G3BP1: variants seen among roughly 807,000 people sequenced by gnomAD.
G3BP1 encodes ras GTPase-activating protein-binding protein 1.
In G3BP1, 35 loss-of-function variants were observed where a neutral mutation model predicts 58.6. The ratio of observed to expected loss-of-function variants is 0.60; its 90% CI spans 0.46 to 0.79. The LOEUF (loss-of-function observed/expected upper bound fraction) is 0.79, where lower values mean the gene tolerates loss of function less well. Ranked by LOEUF, G3BP1 falls within the 30% of genes least tolerant of loss-of-function variation. The probability of loss-of-function intolerance (pLI) is 0.00; values close to 1 mark genes in which losing one functional copy is unlikely to be tolerated. For synonymous variants in G3BP1, 191 were observed against 195.4 expected (o/e 0.98, Z 0.19); for missense variants, 523 against 580.8 (o/e 0.90, Z 1.02).
At chr5:151,772,567 G>A (rs1762289745) in intron 1 of G3BP1, 1 of 152,390 alleles carries the variant, frequency 6.6e-6, no homozygotes, top group African/African-American at 2.4e-5. Context: ...TGCACGGAGT[G>A]GTAGTAACAA....
Position 151,790,312 on chromosome 5 carries a change from C to T in G3BP1, c.96-11C>T. 2 of 1,435,288 alleles carry T rather than the reference C, an allele frequency of 1.4e-6. No individual in the cohort carries two copies. Among genetic ancestry groups the T allele is most frequent in the East Asian group, 2.4e-5 (1 of 41,654 alleles). 88.9% of individuals were successfully genotyped at this position (1,435,288 alleles called of 1,614,324 possible). The stretch of plus-strand genomic sequence containing the variant: ...TGAAGATGACAAGTAAATCATCTTC[C>T]CATTTTACAGATTTTATGGAAAGAA... On this transcript the variant is annotated splice_polypyrimidine_tract_variant and intron_variant, in intron 2 of 11. Transcript: ENST00000356245.
At chr5:151,800,044 G>A (rs747357261) in intron 9 of G3BP1, 44 bp downstream of exon 9, 1 of 1,348,528 alleles carries the variant, frequency 7.4e-7, no homozygotes, top group South Asian at 1.2e-5. Context: ...GGATTTTGAG[G>A]TGAGAGCTTA....
Position 151,783,908 on chromosome 5 carries a change from G to A in G3BP1, c.-49-2664G>A, listed in dbSNP as rs961984814. Reference sequence around the variant, plus strand: ...CTCCTGAATAGCTGGGATTACAGGCGCGTGCCACCACGGCCAGCTAATTTT... The same window carrying A: ...CTCCTGAATAGCTGGGATTACAGGCACGTGCCACCACGGCCAGCTAATTTT... On this transcript the variant is annotated intron_variant, in intron 1 of 11. Coordinates refer to ENST00000356245, the MANE Select transcript of G3BP1 (RefSeq NM_005754.3). Among the ~76,000 whole-genome samples the A allele has an allele frequency of 4.0e-5, 6 of 151,896 alleles. No homozygotes were observed. In the East Asian group the frequency reaches 9.7e-4, roughly 25 times the overall value.
Position 151,798,602 on chromosome 5 carries a change from C to T in G3BP1, c.742-610C>T, listed in dbSNP as rs558994905. Among the ~76,000 whole-genome samples the T allele has an allele frequency of 3.0e-4, 45 of 152,274 alleles. No individual in the cohort carries two copies. The South Asian group carries it at 7.1e-3, about 24-fold the overall frequency. ...TTGTACAATGGATTGGATGGAATCA[C>T]AGTAGGAAGAGCTGAGCTGATTTTG... On this transcript the variant is annotated intron_variant, in intron 7 of 11. Coordinates refer to ENST00000356245, the MANE Select transcript of G3BP1 (RefSeq NM_005754.3).
rs1395703317 is a variant in G3BP1 at position 151,804,111 on chromosome 5, C to G, written c.*20C>G. 3 of 1,535,530 alleles carry G rather than the reference C, an allele frequency of 2.0e-6. No homozygotes were observed. The highest frequency in any genetic ancestry group is 2.7e-5 in the African/African-American group (2 of 72,966). On this transcript the variant is annotated 3_prime_UTR_variant, in exon 12 of 12. Transcript: ENST00000356245. Reference sequence around the variant, plus strand: ...CAGTGAATCTTCATGGATCTTCATGCAGCCATACAAACCCTGGTTCCAACA... The same window carrying G: ...CAGTGAATCTTCATGGATCTTCATGGAGCCATACAAACCCTGGTTCCAACA...
chr5:151,790,943 C>A lies in G3BP1; in HGVS notation c.232C>A (p.Arg78Ser). The change falls in exon 4 of 12, where the codon CGC becomes AGC. Residue 78 changes from arginine (R) to serine (S), a missense_variant. By Grantham distance (110) the Arg-to-Ser change is moderately radical (BLOSUM62 -1). Around this residue, in one of 2 missense-constraint regions of G3BP1, gnomAD observed 398 missense variants for 399.1 expected, o/e 1.00. Transcript: ENST00000356245. ...QNFTNCHTKI[R>S]HVDAHATLND... Reference sequence around the variant, plus strand: ...CTTCACCAACTGCCACACCAAGATTCGCCATGTTGATGCTCATGCCACGCT... The same window carrying A: ...CTTCACCAACTGCCACACCAAGATTAGCCATGTTGATGCTCATGCCACGCT... 1.2e-6 allele frequency: 2 copies of A among 1,610,362 alleles called. No individual in the cohort carries two copies. Among genetic ancestry groups the A allele is most frequent in the Non-Finnish European group, 1.7e-6 (2 of 1,177,886 alleles).
In G3BP1 at chr5:151,786,645, C is replaced by T. The variant is rs1561532855; in HGVS notation, c.25C>T (p.Leu9=). Residue 9 remains leucine (L), a synonymous_variant, in exon 2 of 12, where the codon CTG becomes TTG. Coordinates refer to ENST00000356245, the MANE Select transcript of G3BP1 (RefSeq NM_005754.3). MVMEKPSP[L]LVGREFVRQY... is the part of the protein sequence containing the mutation. ...AATGGTGATGGAGAAGCCTAGTCCC[C>T]TGCTGGTCGGGCGGGAATTTGTGAG... is the stretch of plus-strand genomic sequence containing the variant. 1.2e-6 allele frequency: 2 copies of T among 1,613,312 alleles called. No homozygotes were observed. The highest frequency in any genetic ancestry group is 2.2e-5 in the East Asian group (1 of 44,866).
chr5:151,809,647 C>T lies in G3BP1; in HGVS notation c.*5556C>T, dbSNP rs1762987569. ...TAGGAAGTGACTTGTACAACCCCTT[C>T]ATTTTACAAAGGATCAGAGAGAATT... is the stretch of plus-strand genomic sequence containing the variant. On this transcript the variant is annotated 3_prime_UTR_variant, in exon 12 of 12. Transcript: ENST00000356245. 6.6e-6 allele frequency: 1 copy of T among 152,168 alleles called. No homozygotes were observed. Among genetic ancestry groups the T allele is most frequent in the South Asian group, 2.1e-4 (1 of 4,824 alleles). The allele number at this position is 152,168 out of a possible 1,614,324, so 9.4% of individuals were successfully genotyped here.
At chr5:151,798,701 C>T (rs1443634573) in intron 7 of G3BP1, among the ~76,000 whole-genome samples, 2 of 152,106 alleles carry the variant, frequency 1.3e-5, no homozygotes, top group South Asian at 2.1e-4. Flanking sequence ...TTGTGGCTTA[C>T]GCATTTAATC....
intron 1 of G3BP1, among the ~76,000 whole-genome samples, chr5:151,779,439 CTT>C (rs1397405600): frequency 6.6e-6 from 1 of 151,938 alleles, no homozygotes. Flanking sequence ...ACTGAATTGT[CTT>C]TGCACTTTTC....
At position 151,796,951 on chromosome 5, in the gene G3BP1, G is replaced by T. The variant is rs138954158; in HGVS notation, c.540-276G>T. ...GTTGTATGCTAAATGAATTGTAATA[G>T]TTGTGGGATTCCAGCCATAAAGTGG... On this transcript the variant is annotated intron_variant, in intron 6 of 11. Transcript: ENST00000356245. 2.3e-5 allele frequency among the ~76,000 whole-genome samples: 3 copies of T among 128,642 alleles called. No homozygotes were observed. In the East Asian group the frequency reaches 7.1e-4, roughly 30 times the overall value. The allele number at this position is 128,642 out of a possible 152,430, so 84.4% of individuals were successfully genotyped here.
In G3BP1 at chr5:151,779,920, TGTGAGTTTGTTTTGTCTTGG is replaced by T. The variant is rs1341935472; in HGVS notation, c.-49-6643_-49-6624del. ...GTGGCAGTTATTTGTTTTTGTCTTG[TGTGAGTTTGTTTTGTCTTGG>T]GTGAGTTTCTTTTGTATATGTACCT... On this transcript the variant is annotated intron_variant, in intron 1 of 11. Transcript: ENST00000356245. Among the ~76,000 whole-genome samples, 15 of 152,366 alleles carry T rather than the reference TGTGAGTTTGTTTTGTCTTGG, an allele frequency of 9.8e-5. No homozygotes were observed. The South Asian group carries it at 1.0e-3, about 11-fold the overall frequency.
chr5:151,781,423 A>G (rs887113595), intron 1 of G3BP1, among the ~76,000 whole-genome samples: 3 of 152,222 alleles, frequency 2.0e-5, no homozygotes, highest in Admixed American at 6.5e-5. Flanking sequence ...GATGCTAATC[A>G]TCTTTATGTG....
chr5:151,796,221 G>A (rs1295363655), intron 6 of G3BP1, among the ~76,000 whole-genome samples: 1 of 152,152 alleles, frequency 6.6e-6, no homozygotes, highest in Admixed American at 6.5e-5. Flanking sequence ...TGGTCCCACT[G>A]CAAACCTACC....
At chr5:151,790,468 G>A in intron 3 of G3BP1, 64 bp downstream of exon 3, 1 of 808,436 alleles carries the variant, frequency 1.2e-6, no homozygotes, top group Non-Finnish European at 2.0e-6. Flanking sequence ...AAATTGAAGT[G>A]GATCATACTT....
chr5:151,790,205 T>C (rs2113233412), intron 2 of G3BP1, 118 bp from the exon 3 acceptor site: 1 of 509,856 alleles, frequency 2.0e-6, no homozygotes, highest in East Asian at 3.9e-5. Flanking sequence ...CACTCCAGCC[T>C]GGGTGACAGA....
At chr5:151,776,638 G>A (rs987239805) in intron 1 of G3BP1, among the ~76,000 whole-genome samples, 2 of 151,154 alleles carry the variant, frequency 1.3e-5, no homozygotes, top group African/African-American at 4.9e-5. Context: ...TATTCTTCAT[G>A]TTTTTTCTTT....
intron 1 of G3BP1, among the ~76,000 whole-genome samples, chr5:151,776,591 C>T (rs1343419467): frequency 1.3e-5 from 2 of 151,890 alleles, no homozygotes; most frequent in Non-Finnish European, 2.9e-5. Flanking sequence ...TTCCTCATTC[C>T]TTCTACAGTA....
In G3BP1 at chr5:151,788,613, TA is replaced by T. The variant is rs1310194163; in HGVS notation, c.96-1709del. 2.0e-5 allele frequency among the ~76,000 whole-genome samples: 3 copies of T among 147,372 alleles called. 1 individual carries two copies. Among genetic ancestry groups the T allele is most frequent in the Admixed American group, 2.0e-4 (3 of 14,886 alleles). On this transcript the variant is annotated intron_variant, in intron 2 of 11. Transcript: ENST00000356245. ...GTGTGTGTGTGTGTGTGTGTGTGTG[TA>T]TTATTTATTTATTTATTTTTAGTAG...
Sources: allele counts gnomAD v4.1 joint callset (sites outside exome capture counted in the v4.1 genomes callset), GRCh38; gene constraint gnomAD v4.1.1; regional missense constraint gnomAD v4.1.1; transcripts MANE v1.5; gene names NCBI Gene and HGNC (gene_info 2026-07-23, HGNC 2026-07-21).